Variants in KCNAB1 observed in about 807,000 individuals in gnomAD.
KCNAB1 encodes the protein voltage-gated potassium channel subunit beta-1.
Under a neutral mutation model 64.6 loss-of-function variants are expected in KCNAB1, and 35 were observed. That is an observed-to-expected ratio of 0.54 (90% confidence interval 0.41 to 0.72). The LOEUF (loss-of-function observed/expected upper bound fraction) is 0.72. KCNAB1 is among the 30% of genes least tolerant of loss of function. The probability of loss-of-function intolerance (pLI) is 0.00; values close to 1 mark genes in which losing one functional copy is unlikely to be tolerated. For missense variants in KCNAB1, 401 were observed against 512.9 expected, an observed-to-expected ratio of 0.78 and a Z score of 2.11; for synonymous variants, 177 against 183.8, an observed-to-expected ratio of 0.96 and a Z score of 0.30.
chr3:156,341,031 T>C (rs539685027), intron 1 of KCNAB1, among the ~76,000 whole-genome samples: 3 of 152,370 alleles, frequency 2.0e-5, no homozygotes, highest in African/African-American at 7.2e-5. Context: ...TGTTATGCAA[T>C]ACGTTGGTCT....
At chr3:156,423,097 C>A (rs1715574147) in intron 2 of KCNAB1, among the ~76,000 whole-genome samples, 1 of 151,900 alleles carries the variant, frequency 6.6e-6, no homozygotes, top group Non-Finnish European at 1.5e-5. Flanking sequence ...TGGAATGGTC[C>A]CCTGGGAGAA....
intron 1 of KCNAB1, among the ~76,000 whole-genome samples, chr3:156,155,480 C>A (rs4680238): frequency 0.77 from 117,333 of 152,140 alleles, 45,437 homozygotes; most frequent in East Asian, 0.93. Flanking sequence ...GAGCAGTTGC[C>A]ATTTTAAATA....
chr3:156,503,759 CTTA>C (rs1481228617), intron 8 of KCNAB1, among the ~76,000 whole-genome samples: 9 of 152,132 alleles, frequency 5.9e-5, no homozygotes, highest in Non-Finnish European at 5.9e-5. Flanking sequence ...TATTTATTCT[CTTA>C]TTATTATTTT....
chr3:156,257,503 G>A (rs932811958), intron 1 of KCNAB1, among the ~76,000 whole-genome samples: 8 of 152,292 alleles, frequency 5.3e-5, no homozygotes, highest in East Asian at 1.9e-4. Context: ...CCTGTTCTAT[G>A]TCCAGAGCCC....
chr3:156,403,884 AC>A, intron 1 of KCNAB1, among the ~76,000 whole-genome samples: 1 of 149,274 alleles, frequency 6.7e-6, no homozygotes, highest in East Asian at 2.0e-4. Context: ...ACAGAGAAAG[AC>A]TCTGCCTAAA....
intron 1 of KCNAB1, among the ~76,000 whole-genome samples, chr3:156,195,829 T>C (rs1713885639): frequency 6.6e-6 from 1 of 152,236 alleles, no homozygotes; most frequent in Admixed American, 6.5e-5. Flanking sequence ...CTGTGGTCAC[T>C]GCTTTTGGTG....
At chr3:156,475,110 A>G (rs1181992675) in intron 8 of KCNAB1, among the ~76,000 whole-genome samples, 2 of 152,188 alleles carry the variant, frequency 1.3e-5, no homozygotes, top group Non-Finnish European at 2.9e-5. Flanking sequence ...ATCAACTAAA[A>G]CAATAAAGTT....
At chr3:156,401,639 A>G (rs1713895904) in intron 1 of KCNAB1, among the ~76,000 whole-genome samples, 2 of 152,202 alleles carry the variant, frequency 1.3e-5, no homozygotes, top group Non-Finnish European at 2.9e-5. Context: ...CCTTCCAGTT[A>G]ATGGTTCGCT....
intron 1 of KCNAB1, among the ~76,000 whole-genome samples, chr3:156,243,176 G>T (rs1465169857): frequency 6.6e-6 from 1 of 151,756 alleles, no homozygotes; most frequent in Non-Finnish European, 1.5e-5. Context: ...CCAAAGTGCT[G>T]GGATTACAGG....
chr3:156,364,760 A>C (rs1471947981), intron 1 of KCNAB1, among the ~76,000 whole-genome samples: 1 of 152,194 alleles, frequency 6.6e-6, no homozygotes, highest in Non-Finnish European at 1.5e-5. Flanking sequence ...CCTGGGCAAC[A>C]AGAGTGAAAC....
chr3:156,384,514 T>C (rs1560230552), intron 1 of KCNAB1, among the ~76,000 whole-genome samples: 1 of 151,892 alleles, frequency 6.6e-6, no homozygotes, highest in Non-Finnish European at 1.5e-5. Context: ...CAAAGGAAAA[T>C]GGAGTGCAAA....
chr3:156,530,870 G>C (rs903691458), intron 12 of KCNAB1, among the ~76,000 whole-genome samples: 11 of 152,148 alleles, frequency 7.2e-5, no homozygotes, highest in African/African-American at 2.7e-4. Context: ...GGAGGTTGTG[G>C]GCCAAGGTAG....
intron 7 of KCNAB1, among the ~76,000 whole-genome samples, chr3:156,469,949 C>T (rs929601576): frequency 2.2e-4 from 34 of 152,280 alleles, no homozygotes; most frequent in African/African-American, 8.2e-4. Flanking sequence ...GGTGACCTCA[C>T]TCGACATTGG....
chr3:156,465,035 T>A (rs1713259253), intron 6 of KCNAB1, among the ~76,000 whole-genome samples: 1 of 152,162 alleles, frequency 6.6e-6, no homozygotes. Context: ...TGAAGAAACA[T>A]GTTATGGATA....
chr3:156,246,301 C>A (rs1717447406), intron 1 of KCNAB1, among the ~76,000 whole-genome samples: 1 of 151,418 alleles, frequency 6.6e-6, no homozygotes, highest in African/African-American at 2.4e-5. Flanking sequence ...AACCAAGCAA[C>A]ATCTAGTCTA....
chr3:156,337,826 A>T (rs1465877110), intron 1 of KCNAB1, among the ~76,000 whole-genome samples: 1 of 152,178 alleles, frequency 6.6e-6, no homozygotes, highest in Non-Finnish European at 1.5e-5. Flanking sequence ...ACAATGATAA[A>T]TTTCAGTATG....
chr3:156,534,524 G>A (rs576330638), intron 13 of KCNAB1, among the ~76,000 whole-genome samples: 4 of 152,172 alleles, frequency 2.6e-5, no homozygotes, highest in African/African-American at 9.6e-5. Context: ...CACAGCAGTC[G>A]GGCCTCATCA....
intron 1 of KCNAB1, among the ~76,000 whole-genome samples, chr3:156,321,453 A>C (rs2108026104): frequency 6.6e-6 from 1 of 152,358 alleles, no homozygotes; most frequent in East Asian, 1.9e-4. Flanking sequence ...TCAGAGTTCA[A>C]CTTGTCAGGA....
At chr3:156,269,913 C>CTTT (rs34741042) in intron 1 of KCNAB1, among the ~76,000 whole-genome samples, 7 of 114,468 alleles carry the variant, frequency 6.1e-5, no homozygotes, top group Admixed American at 1.8e-4. Flanking sequence ...CCGGGGCTTG[C>CTTT]TTTTTTTTTT....
Sources: gnomAD v4.1 joint callset for allele counts (sites outside exome capture counted in the v4.1 genomes callset) on GRCh38, gnomAD v4.1.1 for gene constraint, MANE v1.5 for transcripts, NCBI Gene and HGNC (gene_info 2026-07-23, HGNC 2026-07-21) for gene names.